Variants in DTNB observed in about 807,000 individuals in gnomAD.
DTNB encodes the protein DTN-B.
Under a neutral mutation model 90.7 loss-of-function variants are expected in DTNB, and 63 were observed. The ratio of observed to expected loss-of-function variants is 0.69; its 90% CI spans 0.57 to 0.86. DTNB has a LOEUF of 0.86. DTNB is among the 40% of genes least tolerant of loss of function. DTNB has a pLI of 0.00. For missense variants in DTNB, 744 were observed against 807.1 expected (o/e 0.92, Z 0.95); for synonymous variants, 277 against 286.7 (o/e 0.97, Z 0.34).
At chr2:25,440,285 A>C (rs139928583) in intron 12 of DTNB, among the ~76,000 whole-genome samples, 319 of 152,366 alleles carry the variant, frequency 2.1e-3, no homozygotes, top group Non-Finnish European at 3.7e-3. Context: ...TAAACCAGTG[A>C]GATACGAGGA....
intron 9 of DTNB, among the ~76,000 whole-genome samples, chr2:25,499,951 G>A (rs2070102727): frequency 6.6e-6 from 1 of 152,106 alleles, no homozygotes. Flanking sequence ...GCTGGAGTAC[G>A]CTGGCATGAT....
chr2:25,663,947 T>C (rs1354632153), intron 1 of DTNB, among the ~76,000 whole-genome samples: 1 of 152,230 alleles, frequency 6.6e-6, no homozygotes, highest in Non-Finnish European at 1.5e-5. Context: ...TCTAAAAATG[T>C]ATTATTAACC....
chr2:25,384,489 G>A (rs948250127), intron 18 of DTNB, among the ~76,000 whole-genome samples: 1 of 152,120 alleles, frequency 6.6e-6, no homozygotes, highest in African/African-American at 2.4e-5. Context: ...GCTGGGCCCT[G>A]GGCATGTACT....
At chr2:25,463,565 G>A (rs1020870175) in intron 10 of DTNB, among the ~76,000 whole-genome samples, 1 of 152,186 alleles carries the variant, frequency 6.6e-6, no homozygotes, top group African/African-American at 2.4e-5. Flanking sequence ...AAAAACCACT[G>A]AATTGTACAT....
intron 9 of DTNB, among the ~76,000 whole-genome samples, chr2:25,517,024 A>AT (rs779747335): frequency 7.2e-5 from 11 of 152,272 alleles, no homozygotes; most frequent in Non-Finnish European, 1.6e-4. Flanking sequence ...AGCGTTATTC[A>AT]TAAGAGTCAA....
chr2:25,482,962 C>A (rs774910681), intron 9 of DTNB, 89 bp from the exon 10 acceptor site: 3 of 1,332,600 alleles, frequency 2.3e-6, no homozygotes, highest in Admixed American at 2.5e-5. Flanking sequence ...AGCAAAGGGA[C>A]CAATCATCAT....
intron 5 of DTNB, among the ~76,000 whole-genome samples, chr2:25,599,420 C>T (rs1364390326): frequency 6.6e-6 from 1 of 151,722 alleles, no homozygotes; most frequent in African/African-American, 2.4e-5. Flanking sequence ...TGGCTCACTG[C>T]AAGCTCCACC....
At chr2:25,463,813 T>C (rs949696859) in intron 10 of DTNB, among the ~76,000 whole-genome samples, 1 of 152,236 alleles carries the variant, frequency 6.6e-6, no homozygotes, top group African/African-American at 2.4e-5. Flanking sequence ...TAGAGTCAGA[T>C]ACTTCAGCGT....
intron 4 of DTNB, among the ~76,000 whole-genome samples, chr2:25,615,967 T>A (rs935876651): frequency 6.6e-6 from 1 of 152,232 alleles, no homozygotes; most frequent in South Asian, 2.1e-4. Flanking sequence ...ACCACCAACA[T>A]AGAGCTTTGA....
chr2:25,613,817 G>A (rs560571011), intron 4 of DTNB, among the ~76,000 whole-genome samples: 61 of 152,256 alleles, frequency 4.0e-4, no homozygotes, highest in Middle Eastern at 3.4e-3. Flanking sequence ...AATTAGCCGG[G>A]CGTGGTGGCG....
chr2:25,662,100 G>C (rs375338039), intron 1 of DTNB, among the ~76,000 whole-genome samples: 4 of 151,636 alleles, frequency 2.6e-5, no homozygotes, highest in Non-Finnish European at 5.9e-5. Context: ...AGGCTGCAAG[G>C]AGCTGAGATT....
intron 6 of DTNB, among the ~76,000 whole-genome samples, chr2:25,588,523 C>T (rs537626706): frequency 2.0e-5 from 3 of 152,234 alleles, no homozygotes; most frequent in East Asian, 1.9e-4. Context: ...ACGCACCACG[C>T]GCAGCTAATT....
intron 10 of DTNB, chr2:25,481,524 GCT>G (rs944530016): frequency 1.6e-4 from 24 of 152,170 alleles, no homozygotes; most frequent in African/African-American, 5.8e-4. Context: ...GTACCACTCA[GCT>G]CTGTCCAGAA....
chr2:25,586,420 G>A (rs1262404119), intron 6 of DTNB, among the ~76,000 whole-genome samples: 1 of 148,876 alleles, frequency 6.7e-6, no homozygotes, highest in African/African-American at 2.5e-5. Context: ...TGAGGCAGGA[G>A]AATTGCTTGA....
rs940335947 is a variant in DTNB, at chr2:25,424,957, C to T, written c.1554+2578G>A. On this transcript the variant is annotated intron_variant, in intron 15 of 20. Coordinates refer to ENST00000406818, the MANE Select transcript of DTNB (RefSeq NM_021907.5). This position sits in a 1 kb window ranked among gnomAD's most constrained non-coding sequence, Gnocchi z 4.1. The stretch of plus-strand genomic sequence containing the variant: ...TATTACAGGTGTTAGCCACTGCGCC[C>T]GACTGGATACCCTATTATCTCCCAT... Among the ~76,000 whole-genome samples, 3 of 152,086 alleles carry T rather than the reference C, an allele frequency of 2.0e-5. No individual in the cohort carries two copies. Among genetic ancestry groups the T allele is most frequent in the African/African-American group, 4.8e-5 (2 of 41,412 alleles).
chr2:25,435,366 C>T (rs557144840), intron 12 of DTNB, among the ~76,000 whole-genome samples: 1 of 152,128 alleles, frequency 6.6e-6, no homozygotes, highest in Admixed American at 6.5e-5. Context: ...AAGCCACCAC[C>T]CCAAAAAGAA....
Position 25,388,450 on chromosome 2 carries a change from C to T in DTNB, c.1576-89G>A. 2.0e-6 allele frequency: 3 copies of T among 1,465,574 alleles called. No homozygotes were observed. The East Asian group carries it at 7.2e-5, about 35-fold the overall frequency. 90.8% of individuals were successfully genotyped at this position (1,465,574 alleles called of 1,614,324 possible). ...AGTACTTTTTCTCCATCAACCAGAG[C>T]CAGCCAGTGGGCCTCAGTTCAGTGG... On this transcript the variant is annotated intron_variant, in intron 16 of 20. Transcript: ENST00000406818.
Position 25,569,284 on chromosome 2 carries a change from T to C in DTNB, c.876+7554A>G, listed in dbSNP as rs962350238. Among the ~76,000 whole-genome samples, 58 of 152,220 alleles carry C rather than the reference T, an allele frequency of 3.8e-4. 1 individual carries two copies. The highest frequency in any genetic ancestry group is 3.8e-3 in the Admixed American group (58 of 15,286). On this transcript the variant is annotated intron_variant, in intron 8 of 20. Coordinates refer to ENST00000406818, the MANE Select transcript of DTNB (RefSeq NM_021907.5). Reference sequence around the variant, plus strand: ...AATGTCACTAACTTTTGCTGCTTATTATGCAGCAAGAGTCACTGGAACACC... The same window carrying C: ...AATGTCACTAACTTTTGCTGCTTATCATGCAGCAAGAGTCACTGGAACACC...
At chr2:25,671,588 G>A (rs759427216) in intron 1 of DTNB, among the ~76,000 whole-genome samples, 27 of 152,244 alleles carry the variant, frequency 1.8e-4, no homozygotes, top group South Asian at 4.2e-4. Flanking sequence ...GTAACATAAA[G>A]ACATAAAATA....
Sources: gnomAD v4.1 joint callset for allele counts (sites outside exome capture counted in the v4.1 genomes callset) on GRCh38, gnomAD v4.1.1 for gene constraint, Gnocchi (gnomAD v3.1) non-coding constraint, MANE v1.5 for transcripts, NCBI Gene and HGNC (gene_info 2026-07-23, HGNC 2026-07-21) for gene names.